The following CAMKK1 variants were observed in gnomAD, a reference collection of about 807,000 sequenced individuals.
CAMKK1 encodes the protein calcium/calmodulin-dependent protein kinase kinase 1.
In CAMKK1, 20 loss-of-function variants were observed where a neutral mutation model predicts 63.5. That is an observed-to-expected ratio of 0.32 (90% CI 0.22 to 0.46). The LOEUF (loss-of-function observed/expected upper bound fraction) is 0.46, where lower values mean the gene tolerates loss of function less well. Ranked by LOEUF, CAMKK1 falls within the 20% of genes least tolerant of loss-of-function variation. The pLI is 1.00. For synonymous variants in CAMKK1, 253 were observed against 269.0 expected, an observed-to-expected ratio of 0.94 and a Z score of 0.58; for missense variants, 588 against 658.1, an observed-to-expected ratio of 0.89 and a Z score of 1.17.
At position 3,884,501 on chromosome 17, in the gene CAMKK1, G is replaced by C; in HGVS notation, c.361-74C>G. Reference sequence around the variant, plus strand: ...CTGCTCCTACCTCAGAGCCCGTTCAGGGTCCAATTCTGGCCATAAGCTCCT... The same window carrying C: ...CTGCTCCTACCTCAGAGCCCGTTCACGGTCCAATTCTGGCCATAAGCTCCT... On this transcript the variant is annotated intron_variant, in intron 2 of 15. Coordinates refer to ENST00000348335, the MANE Select transcript of CAMKK1 (RefSeq NM_032294.3). This position sits in a 1 kb window ranked among gnomAD's most constrained non-coding sequence, Gnocchi z 4.5. 6.9e-7 allele frequency: 1 copy of C among 1,455,344 alleles called. No individual in the cohort carries two copies. Among genetic ancestry groups the C allele is most frequent in the African/African-American group, 1.4e-5 (1 of 71,670 alleles). 90.2% of individuals were successfully genotyped at this position (1,455,344 alleles called of 1,614,324 possible).
chr17:3,888,381 A>G (rs1358566390), intron 1 of CAMKK1, among the ~76,000 whole-genome samples: 1 of 152,204 alleles, frequency 6.6e-6, no homozygotes, highest in African/African-American at 2.4e-5. Flanking sequence ...TTCCTGTTCC[A>G]GCCTGAGCCC....
rs549692996 is a variant in CAMKK1, at chr17:3,884,790, C to A, written c.361-363G>T. 2.6e-5 allele frequency among the ~76,000 whole-genome samples: 4 copies of A among 152,300 alleles called. No homozygotes were observed. The East Asian group carries it at 7.7e-4, about 29-fold the overall frequency. Reference sequence around the variant, plus strand: ...GCAGCTGAATGAGAAGGTCTAGACTCCAAGGACAAGATGAGGAGCCCTGGG... The same window carrying A: ...GCAGCTGAATGAGAAGGTCTAGACTACAAGGACAAGATGAGGAGCCCTGGG... On this transcript the variant is annotated intron_variant, in intron 2 of 15. Transcript: ENST00000348335. This position sits in a 1 kb window ranked among gnomAD's most constrained non-coding sequence, Gnocchi z 4.5.
chr17:3,888,810 C>T (rs567697132), intron 1 of CAMKK1, among the ~76,000 whole-genome samples: 231 of 152,252 alleles, frequency 1.5e-3, no homozygotes, highest in African/African-American at 5.4e-3. Flanking sequence ...AGGTTCCTGC[C>T]GCGTGTCCGG....
In CAMKK1 at chr17:3,890,344, A is replaced by G. The variant is rs1305596222; in HGVS notation, c.-44+2595T>C. Among the ~76,000 whole-genome samples the G allele has an allele frequency of 6.6e-6, 1 of 152,152 alleles. No homozygotes were observed. Among genetic ancestry groups the G allele is most frequent in the Non-Finnish European group, 1.5e-5 (1 of 68,012 alleles). ...ACCAATACGGGCTGTTGCCTGACTC[A>G]GCACAGCTACCCCCAGCGCATCGTC... is the stretch of plus-strand genomic sequence containing the variant. On this transcript the variant is annotated intron_variant, in intron 1 of 15. Transcript: ENST00000348335. The surrounding 1 kb of genome is among the most constrained non-coding windows in gnomAD (Gnocchi z 6.5).
rs763372597 is a variant in CAMKK1 at position 3,876,286 on chromosome 17, C to T, written c.933G>A (p.Ala311=). 30 of 1,614,102 alleles carry T rather than the reference C, an allele frequency of 1.9e-5. No individual in the cohort carries two copies. Among genetic ancestry groups the T allele is most frequent in the Admixed American group, 1.2e-4 (7 of 60,008 alleles). ...EGNDAQLSST[A]GTPAFMAPEA... Reference sequence around the variant, plus strand: ...CGGGGGCCATGAATGCTGGGGTTCCCGCCGTGCTGGACAGCTGAGCGTCGT... The same window carrying T: ...CGGGGGCCATGAATGCTGGGGTTCCTGCCGTGCTGGACAGCTGAGCGTCGT... Residue 311 remains alanine, a synonymous_variant, in exon 10 of 16, where the codon GCG becomes GCA. Coordinates refer to ENST00000348335, the MANE Select transcript of CAMKK1 (RefSeq NM_032294.3).
At chr17:3,881,785 G>A (rs2055420904) in intron 7 of CAMKK1, 137 bp from the exon 8 acceptor site, 1 of 746,156 alleles carries the variant, frequency 1.3e-6, no homozygotes, top group Admixed American at 2.1e-5. Context: ...AGGGGACCCT[G>A]GGATATGAGA....
In CAMKK1 at chr17:3,885,562, C is replaced by T. The variant is rs772435991; in HGVS notation, c.126G>A (p.Val42=). 18 of 1,613,946 alleles carry T rather than the reference C, an allele frequency of 1.1e-5. No homozygotes were observed. Among genetic ancestry groups the T allele is most frequent in the Non-Finnish European group, 1.4e-5 (17 of 1,180,038 alleles). The change falls in exon 2 of 16, where the codon GTG becomes GTA. Residue 42 remains valine, a synonymous_variant. Coordinates refer to ENST00000348335, the MANE Select transcript of CAMKK1 (RefSeq NM_032294.3). ...DGGPEPTRNG[V]DPPPRARAAS... is the part of the protein sequence containing the mutation. ...CAGCTCTGGCCCGTGGTGGGGGGTC[C>T]ACACCGTTTCTAGTAGGCTCTGGGC...
In CAMKK1 at chr17:3,883,573, T is replaced by TCC; in HGVS notation, c.463-94_463-93insGG. ...TGGACTGAGGTCCGGAGAGGCACACTGGACATCTGCTACTGGCCCTGAGGG... is the reference window on the plus strand; with the variant it reads ...TGGACTGAGGTCCGGAGAGGCACACTCCGGACATCTGCTACTGGCCCTGAGGG... On this transcript the variant is annotated intron_variant, in intron 4 of 15. Coordinates refer to ENST00000348335, the MANE Select transcript of CAMKK1 (RefSeq NM_032294.3). The surrounding 1 kb of genome is among the most constrained non-coding windows in gnomAD (Gnocchi z 4.7). The TCC allele has an allele frequency of 9.7e-7, 1 of 1,030,286 alleles. No homozygotes were observed. Among genetic ancestry groups the TCC allele is most frequent in the Non-Finnish European group, 1.5e-6 (1 of 648,868 alleles). The allele number at this position is 1,030,286 out of a possible 1,614,324, so 63.8% of individuals were successfully genotyped here.
chr17:3,871,155 G>C (rs1003411268), intron 12 of CAMKK1, among the ~76,000 whole-genome samples: 1 of 152,070 alleles, frequency 6.6e-6, no homozygotes, highest in Non-Finnish European at 1.5e-5. Context: ...GGCTAGATAA[G>C]TCTGGGGAGG....
At chr17:3,871,500 ACCCG>A (rs2054870289) in intron 12 of CAMKK1, among the ~76,000 whole-genome samples, 2 of 148,108 alleles carry the variant, frequency 1.4e-5, no homozygotes, top group African/African-American at 5.1e-5. Context: ...GACTACAGGC[ACCCG>A]CCACCACGCC....
chr17:3,876,171 G>T, intron 10 of CAMKK1, 52 bp downstream of exon 10: 1 of 1,546,024 alleles, frequency 6.5e-7, no homozygotes, highest in Non-Finnish European at 8.8e-7. Context: ...ACTGCGGCAA[G>T]CTATTACGCC....
chr17:3,891,269 T>C (rs1213293028), intron 1 of CAMKK1, among the ~76,000 whole-genome samples: 1 of 152,126 alleles, frequency 6.6e-6, no homozygotes, highest in African/African-American at 2.4e-5. Context: ...TCTCATACAG[T>C]TTAATTTCTC....
At position 3,882,372 on chromosome 17, in the gene CAMKK1, T is replaced by C. The variant is rs756369792; in HGVS notation, c.685+156A>G. 2 of 1,611,312 alleles carry C rather than the reference T, an allele frequency of 1.2e-6. No individual in the cohort carries two copies. Among genetic ancestry groups the C allele is most frequent in the Non-Finnish European group, 1.7e-6 (2 of 1,177,558 alleles). On this transcript the variant is annotated intron_variant, in intron 7 of 15. Transcript: ENST00000348335. The surrounding 1 kb of genome is among the most constrained non-coding windows in gnomAD (Gnocchi z 4.3). ...TATTCTGGGCCTGGTTCTGCAGGGC[T>C]GGGCAAGGGAATCCAGGGCTTCAGA...
At position 3,862,967 on chromosome 17, in the gene CAMKK1, C is replaced by A. The variant is rs1384007344; in HGVS notation, c.1446-684G>T. Among the ~76,000 whole-genome samples, 1 of 152,152 alleles carries A rather than the reference C, an allele frequency of 6.6e-6. No homozygotes were observed. Among genetic ancestry groups the A allele is most frequent in the African/African-American group, 2.4e-5 (1 of 41,436 alleles). On this transcript the variant is annotated intron_variant, in intron 15 of 15. Transcript: ENST00000348335. The surrounding 1 kb of genome is among the most constrained non-coding windows in gnomAD (Gnocchi z 4.1). The stretch of plus-strand genomic sequence containing the variant: ...GCCTTCTGTGTTGACCTCAGTCATC[C>A]CCCAGCAGATCTGGGTAGAGAGGCT...
At chr17:3,871,412 TAGCAC>T (rs1233724723) in intron 12 of CAMKK1, among the ~76,000 whole-genome samples, 2 of 140,052 alleles carry the variant, frequency 1.4e-5, no homozygotes, top group Non-Finnish European at 3.0e-5. Context: ...TGGAGTGCAG[TAGCAC>T]GGTCTCAGCT....
chr17:3,892,973 G>T lies in CAMKK1; in HGVS notation c.-78C>A. The T allele has an allele frequency of 6.6e-6, 1 of 150,534 alleles. No individual in the cohort carries two copies. Among genetic ancestry groups the T allele is most frequent in the South Asian group, 1.9e-4 (1 of 5,334 alleles). The allele number at this position is 150,534 out of a possible 1,614,324, so 9.3% of individuals were successfully genotyped here. On this transcript the variant is annotated 5_prime_UTR_variant, in exon 1 of 16. Coordinates refer to ENST00000348335, the MANE Select transcript of CAMKK1 (RefSeq NM_032294.3). The surrounding 1 kb of genome is among the most constrained non-coding windows in gnomAD (Gnocchi z 7.5). ...GGGCGACAGTGTCCGCGGCCCGGCG[G>T]GCGGCCCCACTCGCTCCTGCTGCGC...
Position 3,866,482 on chromosome 17 carries a change from C to T in CAMKK1, c.1342-471G>A, listed in dbSNP as rs1020712188. On this transcript the variant is annotated intron_variant, in intron 14 of 15. Coordinates refer to ENST00000348335, the MANE Select transcript of CAMKK1 (RefSeq NM_032294.3). ...GGGCTGCCAGGAGGGGAACAGCTGC[C>T]GCAGCCTGGCTCTCTGCCTTTGTCC... Among the ~76,000 whole-genome samples the T allele has an allele frequency of 5.9e-5, 9 of 152,374 alleles. No individual in the cohort carries two copies. In the East Asian group the frequency reaches 9.6e-4, roughly 16 times the overall value.
chr17:3,869,471 A>T lies in CAMKK1; in HGVS notation c.1341+16T>A, dbSNP rs1386813040. ...GGCCCTCCAGGACAAGGGAGCATCTACCCCGGCTCTCTTACCACCGTGGTC... is the reference window on the plus strand; with the variant it reads ...GGCCCTCCAGGACAAGGGAGCATCTTCCCCGGCTCTCTTACCACCGTGGTC... On this transcript the variant is annotated intron_variant, in intron 14 of 15. Coordinates refer to ENST00000348335, the MANE Select transcript of CAMKK1 (RefSeq NM_032294.3). The T allele has an allele frequency of 6.2e-7, 1 of 1,613,820 alleles. No individual in the cohort carries two copies. The highest frequency in any genetic ancestry group is 1.3e-5 in the African/African-American group (1 of 74,856).
chr17:3,888,706 G>T (rs1404526639), intron 1 of CAMKK1, among the ~76,000 whole-genome samples: 1 of 152,242 alleles, frequency 6.6e-6, no homozygotes, highest in African/African-American at 2.4e-5. Flanking sequence ...GGCCGCGAGG[G>T]CTGACGTCAG....
Sources: allele counts gnomAD v4.1 joint callset (sites outside exome capture counted in the v4.1 genomes callset), GRCh38; gene constraint gnomAD v4.1.1; non-coding constraint Gnocchi (gnomAD v3.1); transcripts MANE v1.5; gene names NCBI Gene and HGNC (gene_info 2026-07-23, HGNC 2026-07-21).